MCHR2: variants seen among roughly 807,000 people sequenced by gnomAD.
MCHR2 encodes melanin-concentrating hormone receptor 2.
In MCHR2, 15 loss-of-function variants were observed where a neutral mutation model predicts 24.8. The observed-to-expected ratio is 0.60, with a 90% CI of 0.40 to 0.93. The LOEUF (loss-of-function observed/expected upper bound fraction) is 0.93, where lower values mean the gene tolerates loss of function less well. Ranked by LOEUF, MCHR2 falls within the 40% of genes least tolerant of loss-of-function variation. The pLI, the probability that MCHR2 is intolerant of heterozygous loss-of-function variation, is 0.00. For synonymous variants in MCHR2, 151 were observed against 147.6 expected, an observed-to-expected ratio of 1.02 and a Z score of -0.17; for missense variants, 386 against 408.7, an observed-to-expected ratio of 0.94 and a Z score of 0.48.
intron 5 of MCHR2, among the ~76,000 whole-genome samples, chr6:99,931,069 C>G (rs1010387292): frequency 4.6e-5 from 7 of 152,180 alleles, no homozygotes; most frequent in Non-Finnish European, 7.3e-5. Flanking sequence ...GGACCCTCAG[C>G]TGCAGGTCTG....
intron 1 of MCHR2, among the ~76,000 whole-genome samples, chr6:99,985,949 C>T (rs1775760458): frequency 6.6e-6 from 1 of 152,042 alleles, no homozygotes; most frequent in Non-Finnish European, 1.5e-5. Flanking sequence ...TATTCAGAAT[C>T]TACAAGGAAC....
chr6:99,934,623 T>G, intron 4 of MCHR2, 106 bp from the exon 5 acceptor site: 1 of 1,088,600 alleles, frequency 9.2e-7, no homozygotes, highest in Non-Finnish European at 1.2e-6. Flanking sequence ...CTTTCATTTT[T>G]CAGGGTCCAG....
At chr6:99,938,993 A>C (rs747583872) in intron 4 of MCHR2, among the ~76,000 whole-genome samples, 3 of 151,886 alleles carry the variant, frequency 2.0e-5, no homozygotes, top group Non-Finnish European at 2.9e-5. Context: ...TTTTATCTAA[A>C]TATAGCTACT....
chr6:99,955,509 T>A (rs1053908731), intron 2 of MCHR2, among the ~76,000 whole-genome samples: 1 of 152,122 alleles, frequency 6.6e-6, no homozygotes, highest in African/African-American at 2.4e-5. Flanking sequence ...AGTAAAAGAA[T>A]CTCTTTCACC....
At chr6:99,940,468 T>C (rs1482495545) in intron 4 of MCHR2, among the ~76,000 whole-genome samples, 1 of 152,122 alleles carries the variant, frequency 6.6e-6, no homozygotes, top group African/African-American at 2.4e-5. Context: ...ATTTCTCTGA[T>C]ATATTTCTGA....
At chr6:99,930,943 GCT>G (rs1431159420) in intron 5 of MCHR2, among the ~76,000 whole-genome samples, 2 of 152,138 alleles carry the variant, frequency 1.3e-5, no homozygotes, top group Non-Finnish European at 2.9e-5. Flanking sequence ...CAGTTTTTCT[GCT>G]CTGTTTTTTC....
intron 1 of MCHR2, among the ~76,000 whole-genome samples, chr6:99,962,918 G>A (rs920961111): frequency 6.6e-6 from 1 of 151,926 alleles, no homozygotes. Context: ...CAAATAACTC[G>A]ATTTAAAAAA....
intron 1 of MCHR2, among the ~76,000 whole-genome samples, chr6:99,971,918 A>G (rs1229659407): frequency 6.6e-6 from 1 of 152,164 alleles, no homozygotes; most frequent in Non-Finnish European, 1.5e-5. Flanking sequence ...AGCCCATTTG[A>G]TCATGGTGGA....
intron 1 of MCHR2, among the ~76,000 whole-genome samples, chr6:99,975,886 C>T (rs1272971697): frequency 6.6e-6 from 1 of 152,200 alleles, no homozygotes; most frequent in Non-Finnish European, 1.5e-5. Context: ...CAATCACAAA[C>T]ATTCATAGCA....
Position 99,992,487 on chromosome 6 carries a change from C to G in MCHR2, c.-28+1449G>C, listed in dbSNP as rs147359946. 3.9e-5 allele frequency among the ~76,000 whole-genome samples: 6 copies of G among 152,268 alleles called. No homozygotes were observed. The East Asian group carries it at 1.2e-3, about 29-fold the overall frequency. On this transcript the variant is annotated intron_variant, in intron 1 of 5. Coordinates refer to ENST00000281806, the MANE Select transcript of MCHR2 (RefSeq NM_001040179.2). ...TCTATTTCTAGTTTTTGAGGAGAGC[C>G]AGGCTGACACTAAAAATGAAATTGG...
In MCHR2 at chr6:99,984,383, T is replaced by C. The variant is rs553767452; in HGVS notation, c.-28+9553A>G. 9.2e-5 allele frequency among the ~76,000 whole-genome samples: 14 copies of C among 152,120 alleles called. No homozygotes were observed. In the South Asian group the frequency reaches 2.9e-3, roughly 32 times the overall value. On this transcript the variant is annotated intron_variant, in intron 1 of 5. Transcript: ENST00000281806. Reference sequence around the variant, plus strand: ...CATTAACTAGTCATTTAGCATTAGGTATATCTCCTGAAGTTATCCCTCCCC... The same window carrying C: ...CATTAACTAGTCATTTAGCATTAGGCATATCTCCTGAAGTTATCCCTCCCC...
intron 1 of MCHR2, among the ~76,000 whole-genome samples, chr6:99,979,715 G>T (rs1055582859): frequency 2.0e-5 from 3 of 152,172 alleles, no homozygotes; most frequent in African/African-American, 7.2e-5. Flanking sequence ...GGGCAAAGCT[G>T]CCTGGGAAAG....
At chr6:99,979,719 G>A (rs1775628073) in intron 1 of MCHR2, among the ~76,000 whole-genome samples, 2 of 152,130 alleles carry the variant, frequency 1.3e-5, no homozygotes, top group Admixed American at 1.3e-4. Context: ...AAAGCTGCCT[G>A]GGAAAGCTGA....
At chr6:99,975,554 C>G (rs975297097) in intron 1 of MCHR2, among the ~76,000 whole-genome samples, 2 of 152,238 alleles carry the variant, frequency 1.3e-5, no homozygotes, top group Admixed American at 1.3e-4. Context: ...TGCTTCAGCT[C>G]GTGCATGGTG....
At chr6:99,939,509 G>A (rs6915226) in intron 4 of MCHR2, among the ~76,000 whole-genome samples, 2,919 of 151,938 alleles carry the variant, frequency 0.019, 34 homozygotes, top group Middle Eastern at 0.048. Context: ...CTCAGTTTAC[G>A]TATTTCCATA....
At chr6:99,959,505 G>A (rs988930936) in intron 1 of MCHR2, among the ~76,000 whole-genome samples, 4 of 151,434 alleles carry the variant, frequency 2.6e-5, no homozygotes, top group African/African-American at 7.3e-5. Context: ...CCAATCAAAT[G>A]AGCCAAGTAA....
intron 1 of MCHR2, among the ~76,000 whole-genome samples, chr6:99,956,446 T>C (rs948036027): frequency 2.0e-5 from 3 of 152,152 alleles, no homozygotes; most frequent in Non-Finnish European, 4.4e-5. Flanking sequence ...GCTTTGAGCA[T>C]AGGTGATATT....
intron 1 of MCHR2, among the ~76,000 whole-genome samples, chr6:99,980,873 A>T (rs1294245418): frequency 6.6e-6 from 1 of 152,232 alleles, no homozygotes; most frequent in Non-Finnish European, 1.5e-5. Flanking sequence ...AGATATATCC[A>T]TTCAGACACC....
chr6:99,943,032 G>C lies in MCHR2; in HGVS notation c.504C>G (p.Val168=). 1 of 1,613,146 alleles carries C rather than the reference G, an allele frequency of 6.2e-7. No homozygotes were observed. The highest frequency in any genetic ancestry group is 1.1e-5 in the South Asian group (1 of 91,004). Reference sequence around the variant, plus strand: ...ATTTGATGACCTTCGAGTAGACCCAGACAGGCAATGCCAGGATAAAGGAAG... The same window carrying C: ...ATTTGATGACCTTCGAGTAGACCCACACAGGCAATGCCAGGATAAAGGAAG... ...WAASFILALP[V]WVYSKVIKFK... is the part of the protein sequence containing the mutation. The change falls in exon 4 of 6, where the codon GTC becomes GTG. Residue 168 remains valine (V), a synonymous_variant. Transcript: ENST00000281806.
Sources: gnomAD v4.1 joint callset for allele counts (sites outside exome capture counted in the v4.1 genomes callset) on GRCh38, gnomAD v4.1.1 for gene constraint, MANE v1.5 for transcripts, NCBI Gene and HGNC (gene_info 2026-07-23, HGNC 2026-07-21) for gene names.